The following KLRG1 variants were observed in gnomAD, a reference collection of about 807,000 sequenced individuals.
KLRG1 encodes the protein killer cell lectin-like receptor subfamily G member 1.
KLRG1 carries 16 observed loss-of-function variants against 21.8 expected under a neutral mutation model. That is an observed-to-expected ratio of 0.73 (90% CI 0.50 to 1.11). The LOEUF (loss-of-function observed/expected upper bound fraction) is 1.11, where lower values mean the gene tolerates loss of function less well. Among genes scored for constraint, KLRG1 ranks in the 50% most tolerant of loss-of-function variants. KLRG1 has a pLI of 0.00. For missense variants in KLRG1, 173 were observed against 218.3 expected (o/e 0.79, Z 1.31); for synonymous variants, 69 against 75.9 (o/e 0.91, Z 0.47).
the KLRG1 span, chr12:9,166,279 C>A: frequency 1.4e-6 from 2 of 1,464,792 alleles, no homozygotes; most frequent in Non-Finnish European, 1.9e-6. Flanking sequence ...CGTTAGAGAA[C>A]AAAATTTTCA....
At chr12:8,953,047 AC>A (rs34775195) in intron 1 of KLRG1, among the ~76,000 whole-genome samples, 84,700 of 145,970 alleles carry the variant, frequency 0.58, 24,767 homozygotes, top group African/African-American at 0.69. Flanking sequence ...AGCTAGTGAC[AC>A]CCCCCCCCCG....
At chr12:9,181,010 C>T in the KLRG1 span, 2 of 1,613,998 alleles carry the variant, frequency 1.2e-6, no homozygotes, top group Non-Finnish European at 1.7e-6. Flanking sequence ...CAGCCTCAGG[C>T]TTCATGAGCA....
chr12:9,009,664 T>A lies in KLRG1; in HGVS notation c.*127T>A. The A allele has an allele frequency of 6.9e-7, 1 of 1,449,288 alleles. No homozygotes were observed. The allele number at this position is 1,449,288 out of a possible 1,614,324, so 89.8% of individuals were successfully genotyped here. On this transcript the variant is annotated 3_prime_UTR_variant, in exon 5 of 5. Transcript: ENST00000356986. ...ATACTGAACTTTCTCAGATATGGCA[T>A]TAGATGCAAGACAACCTCCTAGGGA...
chr12:9,166,061 AC>A, the KLRG1 span: 1 of 1,606,502 alleles, frequency 6.2e-7, no homozygotes, highest in Non-Finnish European at 8.5e-7. Context: ...CTTCACTGCC[AC>A]CAACTCCCAG....
At chr12:8,987,802 A>C (rs1003017913), upstream of KLRG1, among the ~76,000 whole-genome samples, 45 of 152,188 alleles carry the variant, frequency 3.0e-4, no homozygotes, top group African/African-American at 1.0e-3. Context: ...TAATGTTTTC[A>C]AGGTTCATCA....
At chr12:9,061,777 G>A in the KLRG1 span, among the ~76,000 whole-genome samples, 2 of 152,070 alleles carry the variant, frequency 1.3e-5, no homozygotes, top group Non-Finnish European at 2.9e-5. Flanking sequence ...GTCCACATCG[G>A]TGATGACCAT....
At chr12:9,090,778 C>T in the KLRG1 span, among the ~76,000 whole-genome samples, 1 of 152,132 alleles carries the variant, frequency 6.6e-6, no homozygotes, top group African/African-American at 2.4e-5. Flanking sequence ...TTGACCATTC[C>T]CCCGGATCTC....
the KLRG1 span, chr12:9,058,275 A>G: frequency 2.6e-4 from 39 of 152,338 alleles, no homozygotes; most frequent in African/African-American, 8.2e-4. Flanking sequence ...TGTATAATTT[A>G]TCTAACTTCT....
intron 1 of KLRG1, among the ~76,000 whole-genome samples, chr12:8,972,091 CAAG>C (rs372076594): frequency 2.7e-3 from 408 of 152,284 alleles, no homozygotes; most frequent in Non-Finnish European, 3.9e-3. Context: ...AGGCCAATGT[CAAG>C]AAGATTTCCC....
At chr12:9,050,440 G>A in the KLRG1 span, among the ~76,000 whole-genome samples, 5 of 152,178 alleles carry the variant, frequency 3.3e-5, no homozygotes, top group Non-Finnish European at 4.4e-5. Context: ...TGGGAGCTTC[G>A]CCTCTTCTGA....
chr12:9,109,647 T>G, the KLRG1 span, among the ~76,000 whole-genome samples: 89 of 152,292 alleles, frequency 5.8e-4, no homozygotes, highest in Non-Finnish European at 1.5e-5. Context: ...GTTTTAATTT[T>G]GGGGGTTGGT....
the KLRG1 span, chr12:9,160,109 C>CTA: frequency 7.4e-7 from 1 of 1,346,940 alleles, no homozygotes; most frequent in Non-Finnish European, 1.1e-6. Context: ...ATCCAGGCGC[C>CTA]ATGGACATTT....
chr12:9,043,195 G>A, the KLRG1 span, among the ~76,000 whole-genome samples: 1 of 151,114 alleles, frequency 6.6e-6, no homozygotes, highest in African/African-American at 2.4e-5. Context: ...CCCTGCCTCA[G>A]CCTCCCAAGT....
the KLRG1 span, among the ~76,000 whole-genome samples, chr12:9,211,898 T>G: frequency 3.3e-5 from 5 of 152,254 alleles, no homozygotes; most frequent in East Asian, 9.7e-4. Context: ...GGGGCTCTAG[T>G]AGGCTTAGAT....
At chr12:9,049,625 T>G in the KLRG1 span, among the ~76,000 whole-genome samples, 6 of 152,212 alleles carry the variant, frequency 3.9e-5, no homozygotes, top group African/African-American at 1.4e-4. Context: ...ATTTTACTCC[T>G]CTCTTCTCTG....
the KLRG1 span, among the ~76,000 whole-genome samples, chr12:9,016,467 A>G: frequency 6.6e-6 from 1 of 152,218 alleles, no homozygotes; most frequent in Admixed American, 6.5e-5. Flanking sequence ...AAGAAATTCA[A>G]AACTTGAGCA....
chr12:9,163,296 C>CGA, the KLRG1 span, among the ~76,000 whole-genome samples: 15 of 134,432 alleles, frequency 1.1e-4, no homozygotes, highest in Non-Finnish European at 2.2e-4. Context: ...ACTAAAAATA[C>CGA]AAAAAAAAAA....
At chr12:9,039,570 A>G in the KLRG1 span, among the ~76,000 whole-genome samples, 1 of 152,110 alleles carries the variant, frequency 6.6e-6, no homozygotes, top group Non-Finnish European at 1.5e-5. Context: ...TTATCTCATT[A>G]TAGGATTTAA....
At chr12:9,122,630 A>G in the KLRG1 span, among the ~76,000 whole-genome samples, 3 of 152,310 alleles carry the variant, frequency 2.0e-5, no homozygotes, top group Middle Eastern at 3.4e-3. Context: ...TGTTATGCTA[A>G]AAGATTATTT....
Sources: gnomAD v4.1 joint callset for allele counts (sites outside exome capture counted in the v4.1 genomes callset) on GRCh38, gnomAD v4.1.1 for gene constraint, MANE v1.5 for transcripts, NCBI Gene and HGNC (gene_info 2026-07-23, HGNC 2026-07-21) for gene names.